The following CNGB1 variants were observed in gnomAD, a reference collection of about 807,000 sequenced individuals.
CNGB1 encodes cyclic nucleotide-gated channel beta-1.
CNGB1 carries 126 observed loss-of-function variants against 151.7 expected under a neutral mutation model. The ratio of observed to expected loss-of-function variants is 0.83; its 90% CI spans 0.72 to 0.96. The LOEUF is 0.96. Among genes scored for constraint, CNGB1 ranks in the 40% least tolerant of loss-of-function variants. The probability of loss-of-function intolerance (pLI) is 0.00; values close to 1 mark genes in which losing one functional copy is unlikely to be tolerated. For missense variants in CNGB1, 1,698 were observed against 1,627.0 expected, an observed-to-expected ratio of 1.04 and a Z score of -0.75; for synonymous variants, 623 against 635.1, an observed-to-expected ratio of 0.98 and a Z score of 0.29.
intron 13 of CNGB1, 77 bp downstream of exon 13, chr16:57,950,304 C>T: frequency 6.4e-7 from 1 of 1,558,650 alleles, no homozygotes; most frequent in Non-Finnish European, 8.8e-7. Flanking sequence ...GCCTTTTCAT[C>T]TTTGAGATAA....
chr16:57,897,383 G>A lies in CNGB1; in HGVS notation c.3242+14C>T. The A allele has an allele frequency of 6.2e-7, 1 of 1,612,838 alleles. No homozygotes were observed. Among genetic ancestry groups the A allele is most frequent in the African/African-American group, 1.3e-5 (1 of 74,792 alleles). Reference sequence around the variant, plus strand: ...CTTAGCAATTTTTTATTAAACGAAAGAAAAGTTACATACCTGGCTTTCTTC... The same window carrying A: ...CTTAGCAATTTTTTATTAAACGAAAAAAAAGTTACATACCTGGCTTTCTTC... On this transcript the variant is annotated intron_variant, in intron 31 of 32. Coordinates refer to ENST00000251102, the MANE Select transcript of CNGB1 (RefSeq NM_001297.5).
chr16:57,931,979 A>C, intron 16 of CNGB1, 101 bp from the exon 17 acceptor site: 1 of 1,308,406 alleles, frequency 7.6e-7, no homozygotes, highest in African/African-American at 1.4e-5. Context: ...GCATGTTTGG[A>C]GGGGACTCTG....
rs146174302 is a variant in CNGB1, at chr16:57,917,627, TACACACACACAC to T, written c.1958-163_1958-152del. 2.8e-3 allele frequency: 1,596 copies of T among 567,078 alleles called. 27 individuals are homozygous for T. The African/African-American group carries it at 0.03, about 11-fold the overall frequency. The allele number at this position is 567,078 out of a possible 1,614,324, so 35.1% of individuals were successfully genotyped here. A position where few individuals can be genotyped will look rare whatever the true frequency, so the allele number is the denominator to read the frequency against. On this transcript the variant is annotated intron_variant, in intron 20 of 32. Transcript: ENST00000251102. ...GTGTATGTGTGTGTGTGTGTATATA[TACACACACACAC>T]ACACACACACATACACACACACACA... is the stretch of plus-strand genomic sequence containing the variant.
rs200945481 is a variant in CNGB1, at chr16:57,916,101, C to T, written c.2217+28G>A. 98 of 1,613,162 alleles carry T rather than the reference C, an allele frequency of 6.1e-5. 1 individual carries two copies. The African/African-American group carries it at 6.8e-4, about 11-fold the overall frequency. On this transcript the variant is annotated intron_variant, in intron 22 of 32. Coordinates refer to ENST00000251102, the MANE Select transcript of CNGB1 (RefSeq NM_001297.5). ...GCACCCCCTTCTGAAACCCCGCAGA[C>T]GCTAAACCTTGCATGCCCGGCACAC...
intron 32 of CNGB1, 49 bp downstream of exon 32, chr16:57,887,806 C>G: frequency 6.3e-7 from 1 of 1,584,796 alleles, no homozygotes; most frequent in Non-Finnish European, 8.7e-7. Context: ...GGCCTTCTCC[C>G]TGACACATAT....
At chr16:57,911,525 G>A (rs1199585193) in intron 25 of CNGB1, among the ~76,000 whole-genome samples, 1 of 152,228 alleles carries the variant, frequency 6.6e-6, no homozygotes, top group South Asian at 2.1e-4. Context: ...CTGATATCAG[G>A]TGATCCGCCT....
intron 25 of CNGB1, among the ~76,000 whole-genome samples, chr16:57,910,673 C>CT (rs56363726): frequency 0.3 from 30,967 of 102,060 alleles, 4,627 homozygotes; most frequent in East Asian, 0.47. Context: ...CAAGCCCGGC[C>CT]TTTTTTTTTT....
At position 57,923,763 on chromosome 16, in the gene CNGB1, T is replaced by C. The variant is rs375264260; in HGVS notation, c.1536-383A>G. 5.3e-5 allele frequency among the ~76,000 whole-genome samples: 8 copies of C among 152,296 alleles called. No individual in the cohort carries two copies. The East Asian group carries it at 7.7e-4, about 15-fold the overall frequency. On this transcript the variant is annotated intron_variant, in intron 17 of 32. Coordinates refer to ENST00000251102, the MANE Select transcript of CNGB1 (RefSeq NM_001297.5). Reference sequence around the variant, plus strand: ...GTAAATGAGATACTTATCACTTAGTTCTCAGTTTCAACTTCCTTCCCCTCT... The same window carrying C: ...GTAAATGAGATACTTATCACTTAGTCCTCAGTTTCAACTTCCTTCCCCTCT...
chr16:57,929,156 AC>A (rs1961272207), intron 17 of CNGB1, among the ~76,000 whole-genome samples: 1 of 152,204 alleles, frequency 6.6e-6, no homozygotes, highest in Non-Finnish European at 1.5e-5. Flanking sequence ...ACAAACAAAC[AC>A]ATTACCTAAC....
At chr16:57,942,318 T>C (rs1199356658) in intron 14 of CNGB1, among the ~76,000 whole-genome samples, 1 of 151,864 alleles carries the variant, frequency 6.6e-6, no homozygotes. Flanking sequence ...TGATCTTATA[T>C]ATAAAAAAAA....
intron 25 of CNGB1, among the ~76,000 whole-genome samples, chr16:57,910,079 A>T (rs1188632364): frequency 6.6e-6 from 1 of 152,200 alleles, no homozygotes; most frequent in African/African-American, 2.4e-5. Context: ...GCCCCCAACC[A>T]TCGGAACGGA....
At chr16:57,951,414 C>A (rs1327581819) in intron 12 of CNGB1, among the ~76,000 whole-genome samples, 1 of 152,156 alleles carries the variant, frequency 6.6e-6, no homozygotes, top group Non-Finnish European at 1.5e-5. Context: ...CGCATTAGTG[C>A]AATTATGGCT....
At chr16:57,916,437 C>T (rs1960870390) in intron 21 of CNGB1, among the ~76,000 whole-genome samples, 1 of 152,140 alleles carries the variant, frequency 6.6e-6, no homozygotes, top group Admixed American at 6.5e-5. Context: ...TTCCCTCTGC[C>T]CATTGGTCTT....
intron 10 of CNGB1, 90 bp from the exon 11 acceptor site, chr16:57,958,575 A>T (rs1198654590): frequency 8.4e-7 from 1 of 1,196,020 alleles, no homozygotes; most frequent in African/African-American, 1.5e-5. Context: ...GGCAGAAAAC[A>T]AGCCTGCCAA....
At position 57,917,408 on chromosome 16, in the gene CNGB1, C is replaced by G. The variant is rs1452697207; in HGVS notation, c.2026G>C (p.Val676Leu). ...AWNWNCWLIP[V>L]RWAFPYQTPD... ...GTCTGGTAGGGGAAGGCCCAGCGCA[C>G]GGGAATCAGCCAACAGTTCCAATTC... Residue 676 changes from valine to leucine, a missense_variant, in exon 21 of 33, where the codon GTG becomes CTG. Val to Leu is a conservative substitution (Grantham distance 32, BLOSUM62 1). Transcript: ENST00000251102. The G allele has an allele frequency of 1.2e-6, 2 of 1,614,010 alleles. No individual in the cohort carries two copies.
chr16:57,899,314 G>T (rs1246046350), intron 29 of CNGB1, among the ~76,000 whole-genome samples: 1 of 149,362 alleles, frequency 6.7e-6, no homozygotes, highest in Non-Finnish European at 1.5e-5. Flanking sequence ...GGGAAGAGGA[G>T]GTCTACAGAA....
Position 57,897,866 on chromosome 16 carries a change from C to A in CNGB1, c.3025G>T (p.Val1009Phe). The change falls in exon 30 of 33, where the codon GTC becomes TTC. Residue 1009 changes from valine (V) to phenylalanine (F), a missense_variant. Physicochemically the swap from Val to Phe is conservative, Grantham distance 50 (BLOSUM62 -1). Coordinates refer to ENST00000251102, the MANE Select transcript of CNGB1 (RefSeq NM_001297.5). ...MYIIQAGQVQ[V>F]LGGPDGKSVL... ...GATTTCCCATCAGGGCCGCCCAAGA[C>A]CTGCACTTGCCCTGCCTGGATGATG... 1 of 1,614,230 alleles carries A rather than the reference C, an allele frequency of 6.2e-7. No individual in the cohort carries two copies. The highest frequency in any genetic ancestry group is 1.3e-5 in the African/African-American group (1 of 75,050).
At chr16:57,886,557 C>A (rs7198149) in intron 32 of CNGB1, among the ~76,000 whole-genome samples, 1 of 152,100 alleles carries the variant, frequency 6.6e-6, no homozygotes, top group Non-Finnish European at 1.5e-5. Context: ...CACCAGACTT[C>A]TACTGTCAAA....
intron 27 of CNGB1, among the ~76,000 whole-genome samples, chr16:57,902,616 C>T (rs1435598700): frequency 2.0e-5 from 3 of 150,670 alleles, no homozygotes; most frequent in African/African-American, 7.3e-5. Flanking sequence ...CTTATTTTTA[C>T]TTTTCTGAGA....
Sources: allele counts gnomAD v4.1 joint callset (sites outside exome capture counted in the v4.1 genomes callset), GRCh38; gene constraint gnomAD v4.1.1; transcripts MANE v1.5; gene names NCBI Gene and HGNC (gene_info 2026-07-23, HGNC 2026-07-21).